The following OR8D1 variants were observed in gnomAD, a reference collection of about 807,000 sequenced individuals.
OR8D1 encodes the protein olfactory receptor family 8 subfamily D member 1.
For synonymous variants in OR8D1, 143 were observed against 147.0 expected, an observed-to-expected ratio of 0.97 and a Z score of 0.20; for missense variants, 384 against 366.8, an observed-to-expected ratio of 1.05 and a Z score of -0.38.
In OR8D1 at chr11:124,310,489, A is replaced by C. The variant is rs750201493; in HGVS notation, c.278T>G (p.Leu93Arg). Reference protein sequence around the residue: ...VNFLGKKNTILYSECMVQLFF... With the variant: ...VNFLGKKNTIRYSECMVQLFF... The stretch of plus-strand genomic sequence containing the variant: ...GAGCTGGACCATGCACTCAGAGTAA[A>C]GGATTGTATTCTTCTTTCCTAGGAA... The change falls in exon 3 of 3, where the codon CTT (leucine) becomes CGT (arginine). Residue 93 changes from leucine (L) to arginine (R), a missense_variant. Leu to Arg is a moderately radical substitution (Grantham distance 102). Transcript: ENST00000641015. 3 of 1,613,708 alleles carry C rather than the reference A, an allele frequency of 1.9e-6. No homozygotes were observed. In the South Asian group the frequency reaches 3.3e-5, roughly 18 times the overall value.
At chr11:124,311,221 T>C (rs771481076) in intron 2 of OR8D1, among the ~76,000 whole-genome samples, 1 of 152,064 alleles carries the variant, frequency 6.6e-6, no homozygotes, top group African/African-American at 2.4e-5. Flanking sequence ...CCTCGGAGAA[T>C]TGAAAGTGTC....
In OR8D1 at chr11:124,307,157, T is replaced by A. The variant is rs1862375672; in HGVS notation, c.*2683A>T. The stretch of plus-strand genomic sequence containing the variant: ...CAGTATCTGGTGGTTTGGACCAGGG[T>A]TATGAAGAACTTAACAGCAAAAGTA... On this transcript the variant is annotated 3_prime_UTR_variant, in exon 3 of 3. Coordinates refer to ENST00000641015, the MANE Select transcript of OR8D1 (RefSeq NM_001002917.2). 1 of 152,012 alleles carries A rather than the reference T, an allele frequency of 6.6e-6. No individual in the cohort carries two copies. Among genetic ancestry groups the A allele is most frequent in the African/African-American group, 2.4e-5 (1 of 41,418 alleles). 9.4% of individuals were successfully genotyped at this position (152,012 alleles called of 1,614,324 possible).
chr11:124,307,965 G>A lies in OR8D1; in HGVS notation c.*1875C>T, dbSNP rs1305386356. On this transcript the variant is annotated 3_prime_UTR_variant, in exon 3 of 3. Transcript: ENST00000641015. ...AATAAAAATAAAAATAACGGGGGAAGAGGGTCTTAGCATAAAAATAATATT... is the reference window on the plus strand; with the variant it reads ...AATAAAAATAAAAATAACGGGGGAAAAGGGTCTTAGCATAAAAATAATATT... 1 of 152,106 alleles carries A rather than the reference G, an allele frequency of 6.6e-6. No individual in the cohort carries two copies. Among genetic ancestry groups the A allele is most frequent in the African/African-American group, 2.4e-5 (1 of 41,448 alleles). 9.4% of individuals were successfully genotyped at this position (152,106 alleles called of 1,614,324 possible).
Position 124,305,462 on chromosome 11 carries a change from T to C in OR8D1, c.*4378A>G, listed in dbSNP as rs1225098103. On this transcript the variant is annotated 3_prime_UTR_variant, in exon 3 of 3. Transcript: ENST00000641015. ...GATTATAATGGAGTATGAGAAAAGT[T>C]TGTATACAGTTCAAAAAAAAAAGAA... is the stretch of plus-strand genomic sequence containing the variant. The C allele has an allele frequency of 1.3e-5, 2 of 151,490 alleles. No homozygotes were observed. The allele number at this position is 151,490 out of a possible 1,614,324, so 9.4% of individuals were successfully genotyped here. A position where few individuals can be genotyped will look rare whatever the true frequency, so the allele number is the denominator to read the frequency against.
rs946185819 is a variant in OR8D1 at position 124,308,731 on chromosome 11, C to G, written c.*1109G>C. 1 of 152,016 alleles carries G rather than the reference C, an allele frequency of 6.6e-6. No homozygotes were observed. Among genetic ancestry groups the G allele is most frequent in the Non-Finnish European group, 1.5e-5 (1 of 67,980 alleles). The allele number at this position is 152,016 out of a possible 1,614,324, so 9.4% of individuals were successfully genotyped here. On this transcript the variant is annotated 3_prime_UTR_variant, in exon 3 of 3. Coordinates refer to ENST00000641015, the MANE Select transcript of OR8D1 (RefSeq NM_001002917.2). ...AAGGGAGAAAGGCAACTAATTTCAG[C>G]AAACACTAATGGTTTAATATGTGAT... is the stretch of plus-strand genomic sequence containing the variant.
At chr11:124,313,221 AGAAG>A (rs1314173320) in intron 1 of OR8D1, among the ~76,000 whole-genome samples, 2 of 149,838 alleles carry the variant, frequency 1.3e-5, no homozygotes, top group Non-Finnish European at 3.0e-5. Context: ...AAGAAAAGAA[AGAAG>A]GAAAGAAAGA....
rs1862375436 is a variant in OR8D1, at chr11:124,307,136, A to G, written c.*2704T>C. 6.6e-6 allele frequency: 1 copy of G among 152,102 alleles called. No individual in the cohort carries two copies. Among genetic ancestry groups the G allele is most frequent in the Non-Finnish European group, 1.5e-5 (1 of 68,008 alleles). The allele number at this position is 152,102 out of a possible 1,614,324, so 9.4% of individuals were successfully genotyped here. On this transcript the variant is annotated 3_prime_UTR_variant, in exon 3 of 3. Coordinates refer to ENST00000641015, the MANE Select transcript of OR8D1 (RefSeq NM_001002917.2). ...AAATATACCTTGCCAAACAACCAGT[A>G]TCTGGTGGTTTGGACCAGGGTTATG...
intron 2 of OR8D1, 43 bp from the exon 3 acceptor site, chr11:124,310,825 A>C: frequency 7.4e-7 from 1 of 1,355,186 alleles, no homozygotes; most frequent in Non-Finnish European, 1.0e-6. Flanking sequence ...ATGGACCCTC[A>C]CTGCTCTTCC....
rs10790666 is a variant in OR8D1, at chr11:124,307,081, A to G, written c.*2759T>C. ...AAGTGGCAATTTTGTCTAATGCTAG[A>G]GCTTGGTATTAAGAAATTTATTTGC... is the stretch of plus-strand genomic sequence containing the variant. On this transcript the variant is annotated 3_prime_UTR_variant, in exon 3 of 3. Coordinates refer to ENST00000641015, the MANE Select transcript of OR8D1 (RefSeq NM_001002917.2). The G allele has an allele frequency of 0.31, 46,845 of 151,844 alleles. 8,367 individuals carry two copies. The highest frequency in any genetic ancestry group is 0.44 in the East Asian group (2,267 of 5,134). The allele number at this position is 151,844 out of a possible 1,614,324, so 9.4% of individuals were successfully genotyped here.
intron 2 of OR8D1, 105 bp from the exon 3 acceptor site, chr11:124,310,887 C>T: frequency 1.5e-6 from 1 of 672,418 alleles, no homozygotes; most frequent in East Asian, 2.7e-5. Flanking sequence ...CAGACTGAGT[C>T]ATAGTTTTCA....
rs1252975352 is a variant in OR8D1, at chr11:124,307,220, T to C, written c.*2620A>G. The C allele has an allele frequency of 7.5e-6, 1 of 134,034 alleles. No homozygotes were observed. Among genetic ancestry groups the C allele is most frequent in the Non-Finnish European group, 1.7e-5 (1 of 57,652 alleles). The allele number at this position is 134,034 out of a possible 1,614,324, so 8.3% of individuals were successfully genotyped here. ...AAAGTGTACTTACAAGTTTGGGACT[T>C]TCCATGAGGAGAGAGGATTTTGACC... On this transcript the variant is annotated 3_prime_UTR_variant, in exon 3 of 3. Coordinates refer to ENST00000641015, the MANE Select transcript of OR8D1 (RefSeq NM_001002917.2).
chr11:124,310,657 A>G lies in OR8D1; in HGVS notation c.110T>C (p.Val37Ala). ...LFLLFLGIYV[V>A]TVVGNLGMIL... Reference sequence around the variant, plus strand: ...CATGCCCAGGTTGCCCACTACTGTGACCACATAGATTCCCAGGAACAGGAG... The same window carrying G: ...CATGCCCAGGTTGCCCACTACTGTGGCCACATAGATTCCCAGGAACAGGAG... Residue 37 changes from valine to alanine, a missense_variant, in exon 3 of 3, where the codon GTC (valine) becomes GCC (alanine). Physicochemically the swap from Val to Ala is moderately conservative, Grantham distance 64 (BLOSUM62 0). Coordinates refer to ENST00000641015, the MANE Select transcript of OR8D1 (RefSeq NM_001002917.2). 6.2e-7 allele frequency: 1 copy of G among 1,613,958 alleles called. No individual in the cohort carries two copies. The highest frequency in any genetic ancestry group is 1.7e-5 in the Admixed American group (1 of 60,006).
chr11:124,310,861 G>A (rs1213000313), intron 2 of OR8D1, 79 bp from the exon 3 acceptor site: 6 of 841,830 alleles, frequency 7.1e-6, no homozygotes, highest in Non-Finnish European at 1.1e-5. Context: ...GCATAAGGGA[G>A]GTTGACAGCA....
chr11:124,311,110 G>A (rs552712111), intron 2 of OR8D1, among the ~76,000 whole-genome samples: 3 of 152,224 alleles, frequency 2.0e-5, no homozygotes, highest in South Asian at 2.1e-4. Flanking sequence ...GAGATTGAAG[G>A]AAGATTCAAT....
At position 124,303,672 on chromosome 11, in the gene OR8D1, T is replaced by A. The variant is rs576610481; in HGVS notation, c.*6168A>T. 2.2e-4 allele frequency: 33 copies of A among 152,174 alleles called. 1 individual carries two copies. The South Asian group carries it at 6.8e-3, about 32-fold the overall frequency. The allele number at this position is 152,174 out of a possible 1,614,324, so 9.4% of individuals were successfully genotyped here. ...TGTAAAGTTTTTTAATGTGGCTGTA[T>A]TTATGATTCATTTTCTTTAAAAATT... On this transcript the variant is annotated 3_prime_UTR_variant, in exon 3 of 3. Coordinates refer to ENST00000641015, the MANE Select transcript of OR8D1 (RefSeq NM_001002917.2).
rs1470000799 is a variant in OR8D1, at chr11:124,303,362, C to T, written c.*6478G>A. ...CCCTCTGTCGACACGTGGATGTGGA[C>T]ACAGGGCTAAACCATATGAGTCCTT... On this transcript the variant is annotated 3_prime_UTR_variant, in exon 3 of 3. Coordinates refer to ENST00000641015, the MANE Select transcript of OR8D1 (RefSeq NM_001002917.2). 1 of 152,058 alleles carries T rather than the reference C, an allele frequency of 6.6e-6. No individual in the cohort carries two copies. The highest frequency in any genetic ancestry group is 1.5e-5 in the Non-Finnish European group (1 of 67,986). The allele number at this position is 152,058 out of a possible 1,614,324, so 9.4% of individuals were successfully genotyped here.
rs892575578 is a variant in OR8D1 at position 124,309,341 on chromosome 11, T to G, written c.*499A>C. 1 of 152,166 alleles carries G rather than the reference T, an allele frequency of 6.6e-6. No homozygotes were observed. Among genetic ancestry groups the G allele is most frequent in the African/African-American group, 2.4e-5 (1 of 41,442 alleles). The allele number at this position is 152,166 out of a possible 1,614,324, so 9.4% of individuals were successfully genotyped here. ...TAGAATTGCCATTCTTGTTCTTAACTTTTTCTTTTCTTTTCTATTCTTTCC... is the reference window on the plus strand; with the variant it reads ...TAGAATTGCCATTCTTGTTCTTAACGTTTTCTTTTCTTTTCTATTCTTTCC... On this transcript the variant is annotated 3_prime_UTR_variant, in exon 3 of 3. Coordinates refer to ENST00000641015, the MANE Select transcript of OR8D1 (RefSeq NM_001002917.2).
chr11:124,310,544 A>T lies in OR8D1; in HGVS notation c.223T>A (p.Ser75Thr), dbSNP rs1313069138. ...ACCAGCATTTTGGGAGTAATGACAG[A>T]GGAATAGCAGAAATCGACGAAGGAC... ...SLSFVDFCYS[S>T]VITPKMLVNF... The change falls in exon 3 of 3, where the codon TCT becomes ACT. Residue 75 changes from serine to threonine, a missense_variant. Physicochemically the swap from Ser to Thr is moderately conservative, Grantham distance 58. Coordinates refer to ENST00000641015, the MANE Select transcript of OR8D1 (RefSeq NM_001002917.2). 1.2e-6 allele frequency: 2 copies of T among 1,613,812 alleles called. No individual in the cohort carries two copies. Among genetic ancestry groups the T allele is most frequent in the Admixed American group, 3.3e-5 (2 of 59,988 alleles).
Position 124,304,042 on chromosome 11 carries a change from A to G in OR8D1, c.*5798T>C, listed in dbSNP as rs1862346300. ...TACAAGACCACATTCATTCATTACAATATAATAGTTCAGTAGTTACAATGG... is the reference window on the plus strand; with the variant it reads ...TACAAGACCACATTCATTCATTACAGTATAATAGTTCAGTAGTTACAATGG... On this transcript the variant is annotated 3_prime_UTR_variant, in exon 3 of 3. Coordinates refer to ENST00000641015, the MANE Select transcript of OR8D1 (RefSeq NM_001002917.2). The G allele has an allele frequency of 6.6e-6, 1 of 152,076 alleles. No homozygotes were observed. Among genetic ancestry groups the G allele is most frequent in the Admixed American group, 6.6e-5 (1 of 15,244 alleles). The allele number at this position is 152,076 out of a possible 1,614,324, so 9.4% of individuals were successfully genotyped here. A position where few individuals can be genotyped will look rare whatever the true frequency, so the allele number is the denominator to read the frequency against.
Sources: gnomAD v4.1 joint callset for allele counts (sites outside exome capture counted in the v4.1 genomes callset) on GRCh38, gnomAD v4.1.1 for gene constraint, MANE v1.5 for transcripts, NCBI Gene and HGNC (gene_info 2026-07-23, HGNC 2026-07-21) for gene names.